The following OR2L13 variants were observed in gnomAD, a reference collection of about 807,000 sequenced individuals.
OR2L13 encodes olfactory receptor 2L13.
A neutral mutation model predicts 15.3 loss-of-function variants in OR2L13; 14 were observed. The observed-to-expected ratio is 0.91, with a 90% CI of 0.60 to 1.43. OR2L13 has a LOEUF of 1.43. Among genes scored for constraint, OR2L13 ranks in the 40% most tolerant of loss-of-function variants. OR2L13 has a pLI of 0.00. For missense variants in OR2L13, 367 were observed against 387.9 expected, an observed-to-expected ratio of 0.95 and a Z score of 0.45; for synonymous variants, 152 against 142.9, an observed-to-expected ratio of 1.06 and a Z score of -0.45.
At chr1:248,019,525 T>G in the OR2L13 span, among the ~76,000 whole-genome samples, 1 of 152,192 alleles carries the variant, frequency 6.6e-6, no homozygotes, top group Non-Finnish European at 1.5e-5. Context: ...GTCTTTGATT[T>G]AGTTTGAATT....
At chr1:248,050,052 G>A in the OR2L13 span, among the ~76,000 whole-genome samples, 26 of 152,176 alleles carry the variant, frequency 1.7e-4, no homozygotes, top group Admixed American at 4.6e-4. Context: ...ATAGAATCAC[G>A]GAACGAATCC....
At chr1:248,072,006 T>C in the OR2L13 span, among the ~76,000 whole-genome samples, 1 of 151,546 alleles carries the variant, frequency 6.6e-6, no homozygotes, top group Non-Finnish European at 1.5e-5. Flanking sequence ...GAACATTCCA[T>C]GCTCATGGGT....
chr1:248,071,665 T>G, the OR2L13 span, among the ~76,000 whole-genome samples: 1 of 151,612 alleles, frequency 6.6e-6, no homozygotes, highest in African/African-American at 2.4e-5. Context: ...GGTATTCAAT[T>G]AGGAAAAGAG....
At chr1:247,997,847 A>T in the OR2L13 span, among the ~76,000 whole-genome samples, 3 of 152,194 alleles carry the variant, frequency 2.0e-5, no homozygotes, top group Non-Finnish European at 4.4e-5. Flanking sequence ...AGTGAATACC[A>T]GCAAAACAAC....
chr1:248,061,814 T>C, the OR2L13 span: 128 of 441,746 alleles, frequency 2.9e-4, no homozygotes, highest in Non-Finnish European at 4.1e-4. Context: ...TTTTTCTTCA[T>C]GGCATTGTTT....
At chr1:247,988,437 A>G in the OR2L13 span, among the ~76,000 whole-genome samples, 1 of 152,138 alleles carries the variant, frequency 6.6e-6, no homozygotes. Context: ...ATAACATATC[A>G]TACATATTTT....
chr1:248,009,058 A>C, the OR2L13 span, among the ~76,000 whole-genome samples: 118 of 152,336 alleles, frequency 7.7e-4, no homozygotes, highest in African/African-American at 2.7e-3. Context: ...GAAAATTTAT[A>C]GCACTAAATG....
chr1:248,087,866 C>G, the OR2L13 span, among the ~76,000 whole-genome samples: 1 of 152,112 alleles, frequency 6.6e-6, no homozygotes, highest in Non-Finnish European at 1.5e-5. Context: ...AAGTGAAAGT[C>G]TAGAATTCTG....
At chr1:247,996,365 T>A in the OR2L13 span, among the ~76,000 whole-genome samples, 3 of 152,270 alleles carry the variant, frequency 2.0e-5, no homozygotes, top group Admixed American at 1.3e-4. Context: ...AATATGATTA[T>A]GCATTTAAAG....
chr1:248,080,049 T>G, the OR2L13 span, among the ~76,000 whole-genome samples: 1 of 152,118 alleles, frequency 6.6e-6, no homozygotes, highest in Non-Finnish European at 1.5e-5. Context: ...AATAATGATT[T>G]CCTTTGTGAA....
the OR2L13 span, chr1:248,061,802 CT>C: frequency 2.2e-6 from 1 of 457,090 alleles, no homozygotes; most frequent in Admixed American, 3.8e-5. Context: ...TCCAAACAAC[CT>C]TTTTTCTTCA....
At chr1:248,005,010 G>A in the OR2L13 span, among the ~76,000 whole-genome samples, 1 of 152,154 alleles carries the variant, frequency 6.6e-6, no homozygotes, top group African/African-American at 2.4e-5. Flanking sequence ...GGTCACCAGA[G>A]GGTGGGAAGG....
chr1:248,099,846 A>G (rs1467991697), exon 3 of OR2L13: 1 of 1,614,026 alleles, frequency 6.2e-7, no homozygotes, highest in Non-Finnish European at 8.5e-7. Context: ...ACTCCTTGGC[A>G]CACACAGTCT....
upstream of OR2L13, among the ~76,000 whole-genome samples, chr1:248,096,062 A>G (rs1260948757): frequency 2.0e-5 from 3 of 151,984 alleles, no homozygotes; most frequent in Non-Finnish European, 4.4e-5. Flanking sequence ...CTGCACAGGG[A>G]ATAGACAGTT....
At chr1:247,978,839 C>CA in the OR2L13 span, among the ~76,000 whole-genome samples, 6 of 151,764 alleles carry the variant, frequency 4.0e-5, no homozygotes, top group African/African-American at 9.7e-5. Flanking sequence ...GCCACTCGGA[C>CA]CTGTCTACTC....
chr1:248,040,959 A>T, the OR2L13 span: 1 of 152,202 alleles, frequency 6.6e-6, no homozygotes, highest in South Asian at 2.1e-4. Flanking sequence ...AGTACTGAAT[A>T]ATTTAAATTT....
At chr1:248,053,828 G>A in the OR2L13 span, among the ~76,000 whole-genome samples, 2 of 151,996 alleles carry the variant, frequency 1.3e-5, no homozygotes, top group African/African-American at 4.8e-5. Flanking sequence ...TTGTAAATTT[G>A]CTTAAGTTCT....
chr1:247,965,969 C>T, the OR2L13 span: 1 of 1,609,258 alleles, frequency 6.2e-7, no homozygotes, highest in Non-Finnish European at 8.5e-7. Context: ...TATGAGTATA[C>T]AGTCCTCCTG....
chr1:247,982,042 C>T, the OR2L13 span, among the ~76,000 whole-genome samples: 61 of 152,274 alleles, frequency 4.0e-4, no homozygotes, highest in African/African-American at 1.3e-3. Flanking sequence ...GTCTCAATCT[C>T]CTGACCTCGT....
Sources: gnomAD v4.1 joint callset for allele counts (sites outside exome capture counted in the v4.1 genomes callset) on GRCh38, gnomAD v4.1.1 for gene constraint, MANE v1.5 for transcripts, NCBI Gene and HGNC (gene_info 2026-07-23, HGNC 2026-07-21) for gene names.